Variants in SPSB1 observed in about 807,000 individuals in gnomAD.
The protein encoded by SPSB1 is splA/ryanodine receptor domain and SOCS box containing 1, also known as SPRY domain-containing SOCS box protein 1.
SPSB1 carries 8 observed loss-of-function variants against 21.2 expected under a neutral mutation model. The ratio of observed to expected loss-of-function variants is 0.38; its 90% CI spans 0.22 to 0.68. The LOEUF is 0.68. Ranked by LOEUF, SPSB1 falls within the 30% of genes least tolerant of loss-of-function variation. SPSB1 has a pLI of 0.53. For synonymous variants in SPSB1, 169 were observed against 161.7 expected (o/e 1.05, Z -0.34); for missense variants, 242 against 377.8 (o/e 0.64, Z 2.98).
rs1639717672 is a variant in SPSB1, at chr1:9,321,220, C to G, written c.-150+28149C>G. On this transcript the variant is annotated intron_variant, in intron 1 of 2. Coordinates refer to ENST00000328089, the MANE Select transcript of SPSB1 (RefSeq NM_025106.4). The surrounding 1 kb of genome is among the most constrained non-coding windows in gnomAD (Gnocchi z 4.8). ...TGCAGAGGCGTCTCAGGCGGTGGGC[C>G]TTAAACATTTACATTCTTGGGGCTT... Among the ~76,000 whole-genome samples, 1 of 152,008 alleles carries G rather than the reference C, an allele frequency of 6.6e-6. No individual in the cohort carries two copies. The highest frequency in any genetic ancestry group is 1.5e-5 in the Non-Finnish European group (1 of 68,022).
chr1:9,311,630 G>A (rs1010642335), intron 1 of SPSB1, among the ~76,000 whole-genome samples: 1 of 152,054 alleles, frequency 6.6e-6, no homozygotes, highest in African/African-American at 2.4e-5. Context: ...TTTTTATGGG[G>A]CAGGGGAGCA....
chr1:9,337,904 G>T (rs539519344), intron 1 of SPSB1, among the ~76,000 whole-genome samples: 28 of 152,334 alleles, frequency 1.8e-4, no homozygotes, highest in African/African-American at 6.7e-4. Context: ...GGCGGGAGGG[G>T]TAACTTAAGA....
chr1:9,298,740 A>G (rs1639267634), intron 1 of SPSB1, among the ~76,000 whole-genome samples: 1 of 152,214 alleles, frequency 6.6e-6, no homozygotes, highest in Non-Finnish European at 1.5e-5. Flanking sequence ...GTTTTAGCTT[A>G]GGTTTGACTC....
At chr1:9,323,282 G>T (rs550158346) in intron 1 of SPSB1, among the ~76,000 whole-genome samples, 1 of 152,366 alleles carries the variant, frequency 6.6e-6, no homozygotes, top group Non-Finnish European at 1.5e-5. Flanking sequence ...AGCCGAGGGG[G>T]GCTGTGGCTC....
rs562559280 is a variant in SPSB1 at position 9,306,079 on chromosome 1, A to T, written c.-150+13008A>T. Among the ~76,000 whole-genome samples the T allele has an allele frequency of 3.3e-5, 5 of 152,284 alleles. No individual in the cohort carries two copies. In the South Asian group the frequency reaches 1.0e-3, roughly 32 times the overall value. Reference sequence around the variant, plus strand: ...TTTTTGAGAATCAGCCAGCAGGCTGAGTCCCAGCCATGCTCCTGCAGCGGG... The same window carrying T: ...TTTTTGAGAATCAGCCAGCAGGCTGTGTCCCAGCCATGCTCCTGCAGCGGG... On this transcript the variant is annotated intron_variant, in intron 1 of 2. Transcript: ENST00000328089.
intron 1 of SPSB1, among the ~76,000 whole-genome samples, chr1:9,306,614 G>A (rs1639415785): frequency 6.6e-6 from 1 of 152,218 alleles, no homozygotes. Flanking sequence ...CTGCCACCCA[G>A]GGGAAGAGCT....
At position 9,345,421 on chromosome 1, in the gene SPSB1, T is replaced by C. The variant is rs1640153836; in HGVS notation, c.-149-10322T>C. Among the ~76,000 whole-genome samples the C allele has an allele frequency of 6.6e-6, 1 of 152,162 alleles. No homozygotes were observed. The highest frequency in any genetic ancestry group is 6.5e-5 in the Admixed American group (1 of 15,270). Reference sequence around the variant, plus strand: ...TGTGTTACCCGCCGAGGCTAGGCAGTGTCGGTGGTCCATAGTCCACGTTTT... The same window carrying C: ...TGTGTTACCCGCCGAGGCTAGGCAGCGTCGGTGGTCCATAGTCCACGTTTT... On this transcript the variant is annotated intron_variant, in intron 1 of 2. Coordinates refer to ENST00000328089, the MANE Select transcript of SPSB1 (RefSeq NM_025106.4). This position sits in a 1 kb window ranked among gnomAD's most constrained non-coding sequence, Gnocchi z 4.8.
rs1423417546 is a variant in SPSB1, at chr1:9,317,721, A to G, written c.-150+24650A>G. On this transcript the variant is annotated intron_variant, in intron 1 of 2. Coordinates refer to ENST00000328089, the MANE Select transcript of SPSB1 (RefSeq NM_025106.4). The surrounding 1 kb of genome is among the most constrained non-coding windows in gnomAD (Gnocchi z 4.3). ...TGGTCTCAAACTCCTGAGCTGAAGC[A>G]GTCCACCCTCCTTGGCCTCCCAGAG... Among the ~76,000 whole-genome samples, 1 of 152,174 alleles carries G rather than the reference A, an allele frequency of 6.6e-6. No individual in the cohort carries two copies. The highest frequency in any genetic ancestry group is 1.5e-5 in the Non-Finnish European group (1 of 68,026).
chr1:9,339,968 C>T (rs1402096524), intron 1 of SPSB1, among the ~76,000 whole-genome samples: 1 of 150,124 alleles, frequency 6.7e-6, no homozygotes, highest in Non-Finnish European at 1.5e-5. Flanking sequence ...TTTCCTCCAG[C>T]CCCCCACCTC....
At chr1:9,329,035 G>C (rs1639870997) in intron 1 of SPSB1, among the ~76,000 whole-genome samples, 1 of 152,236 alleles carries the variant, frequency 6.6e-6, no homozygotes, top group East Asian at 1.9e-4. Context: ...GCATTTGCTG[G>C]AATTTGCCAG....
At chr1:9,350,931 C>A (rs1640245817) in intron 1 of SPSB1, among the ~76,000 whole-genome samples, 1 of 152,188 alleles carries the variant, frequency 6.6e-6, no homozygotes, top group Non-Finnish European at 1.5e-5. Flanking sequence ...GCTGGATGCC[C>A]TCCTGGCCCA....
chr1:9,315,035 T>C (rs1476638882), intron 1 of SPSB1, among the ~76,000 whole-genome samples: 1 of 152,248 alleles, frequency 6.6e-6, no homozygotes, highest in Non-Finnish European at 1.5e-5. Context: ...AGTGGGATTT[T>C]TGTTTGTTTA....
At chr1:9,300,877 C>T (rs991517261) in intron 1 of SPSB1, among the ~76,000 whole-genome samples, 22 of 152,186 alleles carry the variant, frequency 1.4e-4, no homozygotes, top group Admixed American at 7.9e-4. Context: ...TCCCTCTGAT[C>T]GATTGACAGT....
Position 9,348,980 on chromosome 1 carries a change from C to T in SPSB1, c.-149-6763C>T, listed in dbSNP as rs924140964. Reference sequence around the variant, plus strand: ...GTGTGTGTGTATATGTGCGTGTGTGCACGTGCATGTGTGTGTGTAGTGGTG... The same window carrying T: ...GTGTGTGTGTATATGTGCGTGTGTGTACGTGCATGTGTGTGTGTAGTGGTG... On this transcript the variant is annotated intron_variant, in intron 1 of 2. Coordinates refer to ENST00000328089, the MANE Select transcript of SPSB1 (RefSeq NM_025106.4). The surrounding 1 kb of genome is among the most constrained non-coding windows in gnomAD (Gnocchi z 4.8). Among the ~76,000 whole-genome samples, 4 of 151,914 alleles carry T rather than the reference C, an allele frequency of 2.6e-5. No individual in the cohort carries two copies. The highest frequency in any genetic ancestry group is 4.4e-5 in the Non-Finnish European group (3 of 67,964).
At chr1:9,340,728 G>A (rs929206853) in intron 1 of SPSB1, among the ~76,000 whole-genome samples, 3 of 152,252 alleles carry the variant, frequency 2.0e-5, no homozygotes, top group South Asian at 2.1e-4. Context: ...TCCCCTGCTC[G>A]CCCCTCTGCC....
At chr1:9,354,986 A>G (rs542991905) in intron 1 of SPSB1, among the ~76,000 whole-genome samples, 34 of 152,322 alleles carry the variant, frequency 2.2e-4, no homozygotes, top group African/African-American at 8.2e-4. Flanking sequence ...GTTGAGACCC[A>G]GAGGGCGAAA....
At chr1:9,343,384 T>C (rs1220541875) in intron 1 of SPSB1, among the ~76,000 whole-genome samples, 1 of 152,214 alleles carries the variant, frequency 6.6e-6, no homozygotes, top group Non-Finnish European at 1.5e-5. Context: ...CTGGCTTCCT[T>C]CACATTAATA....
At chr1:9,339,993 C>T (rs1056515977) in intron 1 of SPSB1, among the ~76,000 whole-genome samples, 1 of 129,228 alleles carries the variant, frequency 7.7e-6, no homozygotes, top group Non-Finnish European at 1.8e-5. Context: ...GGACCCCCAC[C>T]GACAGCCCTG....
At chr1:9,304,105 C>T (rs537187191) in intron 1 of SPSB1, among the ~76,000 whole-genome samples, 13 of 152,304 alleles carry the variant, frequency 8.5e-5, no homozygotes, top group Admixed American at 1.3e-4. Context: ...GGAAGAAGGG[C>T]GAATCCTGGC....
Sources: allele counts gnomAD v4.1 joint callset (sites outside exome capture counted in the v4.1 genomes callset), GRCh38; gene constraint gnomAD v4.1.1; non-coding constraint Gnocchi (gnomAD v3.1); transcripts MANE v1.5; gene names NCBI Gene and HGNC (gene_info 2026-07-23, HGNC 2026-07-21).